The following GABRA2 variants were observed in gnomAD, a reference collection of about 807,000 sequenced individuals.
GABRA2 encodes the protein gamma-aminobutyric acid receptor subunit alpha-2.
In GABRA2, 16 loss-of-function variants were observed where a neutral mutation model predicts 48.7. That is an observed-to-expected ratio of 0.33 (90% CI 0.22 to 0.50). GABRA2 has a LOEUF of 0.50. GABRA2 is among the 20% of genes least tolerant of loss of function. The pLI, the probability that GABRA2 is intolerant of heterozygous loss-of-function variation, is 0.98. For synonymous variants in GABRA2, 185 were observed against 184.5 expected, an observed-to-expected ratio of 1.00 and a Z score of -0.02; for missense variants, 275 against 535.6, an observed-to-expected ratio of 0.51 and a Z score of 4.80.
At chr4:46,355,832 G>T (rs1205537813) in intron 3 of GABRA2, among the ~76,000 whole-genome samples, 1 of 152,074 alleles carries the variant, frequency 6.6e-6, no homozygotes. Flanking sequence ...TAAAATGGCA[G>T]TTCATTAGTA....
intron 9 of GABRA2, among the ~76,000 whole-genome samples, chr4:46,259,242 T>C (rs560740354): frequency 7.9e-5 from 12 of 152,002 alleles, no homozygotes; most frequent in East Asian, 3.9e-4. Context: ...GAAAAAGGGT[T>C]CCATAAGAGC....
At chr4:46,323,060 A>T (rs1474414777) in intron 4 of GABRA2, among the ~76,000 whole-genome samples, 1 of 151,802 alleles carries the variant, frequency 6.6e-6, no homozygotes, top group African/African-American at 2.4e-5. Context: ...CAGAATGTAT[A>T]TAGTATAATA....
chr4:46,363,101 C>A (rs1203149044), intron 3 of GABRA2, among the ~76,000 whole-genome samples: 3 of 152,048 alleles, frequency 2.0e-5, no homozygotes, highest in African/African-American at 7.2e-5. Context: ...AGTTATATAT[C>A]CATTACCTGC....
chr4:46,336,199 T>C (rs1732207002), intron 3 of GABRA2, among the ~76,000 whole-genome samples: 1 of 152,180 alleles, frequency 6.6e-6, no homozygotes, highest in Non-Finnish European at 1.5e-5. Flanking sequence ...ATGTAGAATA[T>C]CGATCTTTTT....
intron 8 of GABRA2, among the ~76,000 whole-genome samples, chr4:46,290,805 T>C (rs1288438398): frequency 6.6e-6 from 1 of 152,174 alleles, no homozygotes; most frequent in Non-Finnish European, 1.5e-5. Flanking sequence ...TTTGTGACTA[T>C]GTGACAAATT....
rs1347964256 is a variant in GABRA2 at position 46,262,263 on chromosome 4, T to C, written c.857-135A>G. On this transcript the variant is annotated intron_variant, in intron 8 of 9. Transcript: ENST00000381620. ...CACTAAATAATAATAAATAAATGAA[T>C]AAATACTGGAATTTATATTAAAGTG... The C allele has an allele frequency of 8.6e-6, 5 of 578,570 alleles. No individual in the cohort carries two copies. In the South Asian group the frequency reaches 1.3e-4, roughly 15 times the overall value. 35.8% of individuals were successfully genotyped at this position (578,570 alleles called of 1,614,324 possible).
At chr4:46,283,188 C>A (rs1721866112) in intron 8 of GABRA2, among the ~76,000 whole-genome samples, 2 of 152,072 alleles carry the variant, frequency 1.3e-5, no homozygotes, top group South Asian at 4.2e-4. Flanking sequence ...GTTGTAAGAC[C>A]ACACTAGGCT....
chr4:46,370,111 C>A (rs1210879063), intron 3 of GABRA2, among the ~76,000 whole-genome samples: 1 of 151,792 alleles, frequency 6.6e-6, no homozygotes, highest in Non-Finnish European at 1.5e-5. Flanking sequence ...TACAGAGCTA[C>A]CTTAAGTGCC....
intron 4 of GABRA2, among the ~76,000 whole-genome samples, chr4:46,323,899 GA>G (rs1729876513): frequency 6.6e-6 from 1 of 151,822 alleles, no homozygotes; most frequent in African/African-American, 2.4e-5. Flanking sequence ...AGCATAACAA[GA>G]ACAGGAAAAA....
At chr4:46,321,362 T>A (rs540347166) in intron 4 of GABRA2, among the ~76,000 whole-genome samples, 102 of 152,098 alleles carry the variant, frequency 6.7e-4, no homozygotes, top group African/African-American at 2.4e-3. Context: ...ATGTAAGTGC[T>A]CTTACTGGAA....
At chr4:46,341,121 G>A (rs905842760) in intron 3 of GABRA2, among the ~76,000 whole-genome samples, 2 of 151,822 alleles carry the variant, frequency 1.3e-5, no homozygotes, top group East Asian at 3.9e-4. Context: ...CTCTTTCGGA[G>A]AGATATTGTT....
chr4:46,379,887 C>A (rs1716522046), intron 3 of GABRA2, among the ~76,000 whole-genome samples: 1 of 152,144 alleles, frequency 6.6e-6, no homozygotes, highest in African/African-American at 2.4e-5. Flanking sequence ...TGCAACCTAC[C>A]TTTCCCTATC....
chr4:46,289,866 G>A (rs1262729556), intron 8 of GABRA2, among the ~76,000 whole-genome samples: 2 of 142,128 alleles, frequency 1.4e-5, no homozygotes, highest in Admixed American at 6.8e-5. Context: ...AAAGTGTTGA[G>A]TATACCAGTT....
intron 4 of GABRA2, among the ~76,000 whole-genome samples, chr4:46,322,473 T>G (rs969677124): frequency 5.9e-5 from 9 of 151,972 alleles, no homozygotes; most frequent in African/African-American, 2.2e-4. Context: ...CCCCAACACA[T>G]GCACCCCTCT....
chr4:46,300,004 A>G (rs1256129419), intron 8 of GABRA2, among the ~76,000 whole-genome samples: 2 of 151,974 alleles, frequency 1.3e-5, no homozygotes, highest in Admixed American at 6.6e-5. Context: ...GGCTTATTAT[A>G]AAGTAGTTCC....
intron 3 of GABRA2, among the ~76,000 whole-genome samples, chr4:46,346,351 C>A (rs189931588): frequency 6.6e-6 from 1 of 151,774 alleles, no homozygotes; most frequent in Non-Finnish European, 1.5e-5. Flanking sequence ...CAATACAGTA[C>A]TGTATTTGGA....
chr4:46,339,439 A>G (rs1454423797), intron 3 of GABRA2, among the ~76,000 whole-genome samples: 1 of 151,826 alleles, frequency 6.6e-6, no homozygotes, highest in Non-Finnish European at 1.5e-5. Context: ...ATAGCACAGA[A>G]TAGCCCTTGA....
chr4:46,289,676 C>T (rs752996258), intron 8 of GABRA2, among the ~76,000 whole-genome samples: 21 of 152,190 alleles, frequency 1.4e-4, no homozygotes, highest in Non-Finnish European at 2.1e-4. Flanking sequence ...TATAACACAC[C>T]TGCACTATTC....
chr4:46,252,335 G>A (rs1714938752), intron 9 of GABRA2, among the ~76,000 whole-genome samples: 1 of 151,388 alleles, frequency 6.6e-6, no homozygotes, highest in African/African-American at 2.4e-5. Context: ...TACAAATAGA[G>A]GATAATGTCT....
Sources: allele counts gnomAD v4.1 joint callset (sites outside exome capture counted in the v4.1 genomes callset), GRCh38; gene constraint gnomAD v4.1.1; transcripts MANE v1.5; gene names NCBI Gene and HGNC (gene_info 2026-07-23, HGNC 2026-07-21).